MYOM3: variants seen among roughly 807,000 people sequenced by gnomAD.
The protein encoded by MYOM3 is myomesin-3.
In MYOM3, 155 loss-of-function variants were observed where a neutral mutation model predicts 191.7. The observed-to-expected ratio is 0.81, with a 90% CI of 0.71 to 0.92. The LOEUF (loss-of-function observed/expected upper bound fraction) is 0.92, where lower values mean the gene tolerates loss of function less well. MYOM3 is among the 40% of genes least tolerant of loss of function. The pLI is 0.00. For missense variants in MYOM3, 1,889 were observed against 1,890.6 expected, an observed-to-expected ratio of 1.00 and a Z score of 0.02; for synonymous variants, 757 against 762.9, an observed-to-expected ratio of 0.99 and a Z score of 0.13.
chr1:24,102,885 C>T (rs1378916398), intron 5 of MYOM3, among the ~76,000 whole-genome samples: 6 of 152,168 alleles, frequency 3.9e-5, no homozygotes, highest in African/African-American at 1.4e-4. Flanking sequence ...ATAGACTTGC[C>T]TAACAGGTGA....
chr1:24,090,969 G>A lies in MYOM3; in HGVS notation c.1260C>T (p.Ile420=), dbSNP rs374512149. 6.4e-5 allele frequency: 103 copies of A among 1,613,900 alleles called. No homozygotes were observed. In the African/African-American group the frequency reaches 7.1e-4, roughly 11 times the overall value. Residue 420 remains isoleucine, a synonymous_variant, in exon 12 of 37, where the codon ATC becomes ATT. Coordinates refer to ENST00000374434, the MANE Select transcript of MYOM3 (RefSeq NM_152372.4). The part of the protein sequence containing the change: ...ERCQGESGEW[I]ACHEAPGGTC... ...TCCCTCCGGGGGCCTCATGGCAGGC[G>A]ATCCATTCCCCAGACTCGCCCTGGC...
At chr1:24,088,048 G>A (rs976257964) in intron 14 of MYOM3, among the ~76,000 whole-genome samples, 1 of 152,148 alleles carries the variant, frequency 6.6e-6, no homozygotes, top group Non-Finnish European at 1.5e-5. Context: ...GGTTGGCTGC[G>A]AACCTGTTTA....
At position 24,108,086 on chromosome 1, in the gene MYOM3, G is replaced by A. The variant is rs368728643; in HGVS notation, c.162-13C>T. 3 of 1,612,578 alleles carry A rather than the reference G, an allele frequency of 1.9e-6. No homozygotes were observed. In the African/African-American group the frequency reaches 4.0e-5, roughly 22 times the overall value. Reference sequence around the variant, plus strand: ...ATGCTCTTCTTCGCTGCTCCCAGAAGGAGGGGAGTAAATGGCTCTTGCAGG... The same window carrying A: ...ATGCTCTTCTTCGCTGCTCCCAGAAAGAGGGGAGTAAATGGCTCTTGCAGG... On this transcript the variant is annotated splice_polypyrimidine_tract_variant and intron_variant, in intron 2 of 36. Transcript: ENST00000374434.
At position 24,093,011 on chromosome 1, in the gene MYOM3, G is replaced by A; in HGVS notation, c.1026C>T (p.Leu342=). The change falls in exon 10 of 37, where the codon CTC becomes CTT. Residue 342 remains leucine (L), a synonymous_variant. Transcript: ENST00000374434. ...AGGGCGAGGGCACCCGGACCATGTA[G>A]AGCCCCTCGTCCTCCTTGTAGGTGC... ...VSCTYKEDEG[L]YMVRVPSPFG... 6.2e-7 allele frequency: 1 copy of A among 1,612,978 alleles called. No homozygotes were observed. The highest frequency in any genetic ancestry group is 2.2e-5 in the East Asian group (1 of 44,864).
chr1:24,074,337 GC>G (rs1643571356), intron 22 of MYOM3, 68 bp from the exon 23 acceptor site: 1 of 1,229,792 alleles, frequency 8.1e-7, no homozygotes, highest in Admixed American at 2.0e-5. Context: ...AGGCCTGGGA[GC>G]CAGGGAGTCC....
At chr1:24,058,841 G>T (rs79420391) in intron 36 of MYOM3, 83 bp downstream of exon 36, 52,163 of 1,023,012 alleles carry the variant, frequency 0.051, 1,585 homozygotes, top group Non-Finnish European at 0.061. Context: ...AATCCATGGT[G>T]CTGCATTGTT....
chr1:24,060,370 C>A (rs952060679), intron 35 of MYOM3, among the ~76,000 whole-genome samples: 1 of 152,236 alleles, frequency 6.6e-6, no homozygotes, highest in Non-Finnish European at 1.5e-5. Context: ...AATGATGCCA[C>A]GCAGAGCGAA....
At chr1:24,058,294 A>G (rs1181749772) in intron 36 of MYOM3, among the ~76,000 whole-genome samples, 1 of 152,188 alleles carries the variant, frequency 6.6e-6, no homozygotes, top group Non-Finnish European at 1.5e-5. Context: ...TAAAATAGAA[A>G]ATTACTGAAC....
intron 20 of MYOM3, among the ~76,000 whole-genome samples, chr1:24,078,502 T>C (rs1033942497): frequency 1.3e-5 from 2 of 152,206 alleles, no homozygotes; most frequent in East Asian, 1.9e-4. Flanking sequence ...ATCTTATTCT[T>C]TGCCATTGTT....
At chr1:24,101,688 G>A (rs1643935426) in intron 5 of MYOM3, among the ~76,000 whole-genome samples, 1 of 152,192 alleles carries the variant, frequency 6.6e-6, no homozygotes, top group East Asian at 1.9e-4. Context: ...GGAGTCTGAG[G>A]CTGTAGCAAA....
intron 35 of MYOM3, 103 bp downstream of exon 35, chr1:24,060,957 C>A: frequency 7.6e-7 from 1 of 1,313,996 alleles, no homozygotes; most frequent in Non-Finnish European, 1.1e-6. Context: ...CCACAGACCC[C>A]ACTGTGGAAT....
Position 24,087,289 on chromosome 1 carries a change from T to A in MYOM3, c.1615-462A>T, listed in dbSNP as rs549576106. Among the ~76,000 whole-genome samples, 1 of 152,172 alleles carries A rather than the reference T, an allele frequency of 6.6e-6. No homozygotes were observed. The highest frequency in any genetic ancestry group is 1.5e-5 in the Non-Finnish European group (1 of 68,020). On this transcript the variant is annotated intron_variant, in intron 14 of 36. Transcript: ENST00000374434. The surrounding 1 kb of genome is among the most constrained non-coding windows in gnomAD (Gnocchi z 4.5). Reference sequence around the variant, plus strand: ...GCACCCCGCACCTGAACGATCTCAATGGCCTCTTGACTGGTCTCCCCTCCA... The same window carrying A: ...GCACCCCGCACCTGAACGATCTCAAAGGCCTCTTGACTGGTCTCCCCTCCA...
intron 2 of MYOM3, 21 bp from the exon 3 acceptor site, chr1:24,108,094 G>A (rs1332525221): frequency 1.2e-6 from 2 of 1,610,766 alleles, no homozygotes; most frequent in Non-Finnish European, 1.7e-6. Context: ...AAGGAGGGGA[G>A]TAAATGGCTC....
chr1:24,057,418 G>A lies in MYOM3; in HGVS notation c.4260C>T (p.Val1420=), dbSNP rs1309661110. 1 of 1,614,132 alleles carries A rather than the reference G, an allele frequency of 6.2e-7. No individual in the cohort carries two copies. Among genetic ancestry groups the A allele is most frequent in the African/African-American group, 1.3e-5 (1 of 75,040 alleles). The change falls in exon 37 of 37, where the codon GTC becomes GTT. Residue 1420 remains valine, a synonymous_variant. Transcript: ENST00000374434. ...CCCCGTGCTTGAACACACTGATGGTGACCTGGCCCGTCTCGGAGCCATACT... is the reference window on the plus strand; with the variant it reads ...CCCCGTGCTTGAACACACTGATGGTAACCTGGCCCGTCTCGGAGCCATACT... The part of the protein sequence containing the change: ...KNKYGSETGQ[V]TISVFKHGDE...
chr1:24,106,468 T>C (rs1643984279), intron 4 of MYOM3, among the ~76,000 whole-genome samples: 1 of 152,184 alleles, frequency 6.6e-6, no homozygotes, highest in Admixed American at 6.5e-5. Context: ...GGCTAGCGTT[T>C]CCTGAGGGTC....
In MYOM3 at chr1:24,063,236, TG is replaced by T. The variant is rs556766220; in HGVS notation, c.3662-3del. On this transcript the variant is annotated splice_region_variant and splice_polypyrimidine_tract_variant and intron_variant, in intron 31 of 36. Coordinates refer to ENST00000374434, the MANE Select transcript of MYOM3 (RefSeq NM_152372.4). The surrounding 1 kb of genome is among the most constrained non-coding windows in gnomAD (Gnocchi z 4.5). Reference sequence around the variant, plus strand: ...TTTTCAGTGGAGTTGCAGAGAGGGCTGGGGAGACAGAGGAGAAGGATGAATC... The same window carrying T: ...TTTTCAGTGGAGTTGCAGAGAGGGCTGGGAGACAGAGGAGAAGGATGAATC... The T allele has an allele frequency of 2.4e-3, 3,855 of 1,612,344 alleles. 5 individuals carry two copies. Among genetic ancestry groups the T allele is most frequent in the Non-Finnish European group, 3.1e-3 (3,684 of 1,178,474 alleles).
At chr1:24,076,751 T>C (rs2148548716) in intron 20 of MYOM3, among the ~76,000 whole-genome samples, 1 of 119,176 alleles carries the variant, frequency 8.4e-6, no homozygotes, top group South Asian at 2.3e-4. Context: ...CCTGACCTCG[T>C]GATCCGCCCG....
Position 24,099,111 on chromosome 1 carries a change from CTT to C in MYOM3, c.656+567_656+568del, listed in dbSNP as rs367809377. 7.9e-4 allele frequency among the ~76,000 whole-genome samples: 121 copies of C among 152,246 alleles called. No homozygotes were observed. The South Asian group carries it at 0.022, about 28-fold the overall frequency. On this transcript the variant is annotated intron_variant, in intron 6 of 36. Coordinates refer to ENST00000374434, the MANE Select transcript of MYOM3 (RefSeq NM_152372.4). Reference sequence around the variant, plus strand: ...CACAGGCCTTGGGGAGGACTGCACTCTTATATTCCCGTGTGGCCTCCCAGCAT... The same window carrying C: ...CACAGGCCTTGGGGAGGACTGCACTCATATTCCCGTGTGGCCTCCCAGCAT...
chr1:24,107,305 C>T (rs1643992877), intron 3 of MYOM3, 73 bp from the exon 4 acceptor site: 2 of 1,366,610 alleles, frequency 1.5e-6, no homozygotes, highest in Admixed American at 2.5e-5. Context: ...AGTTCCATTC[C>T]CTGTGCCCAG....
Sources: allele counts gnomAD v4.1 joint callset (sites outside exome capture counted in the v4.1 genomes callset), GRCh38; gene constraint gnomAD v4.1.1; non-coding constraint Gnocchi (gnomAD v3.1); transcripts MANE v1.5; gene names NCBI Gene and HGNC (gene_info 2026-07-23, HGNC 2026-07-21).